FRMD4A: variants seen among roughly 807,000 people sequenced by gnomAD.
FRMD4A encodes FERM domain containing 4A.
In FRMD4A, 29 loss-of-function variants were observed where a neutral mutation model predicts 129.1. The ratio of observed to expected loss-of-function variants is 0.22; its 90% confidence interval spans 0.17 to 0.31. FRMD4A has a LOEUF of 0.31. Among genes scored for constraint, FRMD4A ranks in the 10% least tolerant of loss-of-function variants. The pLI, the probability that FRMD4A is intolerant of heterozygous loss-of-function variation, is 1.00. For synonymous variants in FRMD4A, 634 were observed against 571.6 expected (o/e 1.11, Z -1.56); for missense variants, 1,272 against 1,375.8 (o/e 0.92, Z 1.19).
chr10:14,269,869 T>C (rs1845103306), intron 2 of FRMD4A, among the ~76,000 whole-genome samples: 1 of 152,216 alleles, frequency 6.6e-6, no homozygotes, highest in Non-Finnish European at 1.5e-5. Flanking sequence ...GCCCCTCTCC[T>C]GCAGAAAGAG....
Position 13,950,721 on chromosome 10 carries a change from G to A in FRMD4A, c.46-91809C>T, listed in dbSNP as rs553415581. Among the ~76,000 whole-genome samples the A allele has an allele frequency of 9.2e-5, 14 of 152,136 alleles. No individual in the cohort carries two copies. The South Asian group carries it at 1.0e-3, about 11-fold the overall frequency. Reference sequence around the variant, plus strand: ...CGTTTCTGCCTCAGGACATTTGCACGCCCGCTTCCCTTTTCCCTGTGTCCT... The same window carrying A: ...CGTTTCTGCCTCAGGACATTTGCACACCCGCTTCCCTTTTCCCTGTGTCCT... On this transcript the variant is annotated intron_variant, in intron 2 of 24. Coordinates refer to ENST00000357447, the MANE Select transcript of FRMD4A (RefSeq NM_018027.5).
At chr10:13,700,207 C>T (rs543259166) in intron 14 of FRMD4A, among the ~76,000 whole-genome samples, 5 of 151,860 alleles carry the variant, frequency 3.3e-5, no homozygotes, top group East Asian at 3.9e-4. Context: ...CTTGGCCTCC[C>T]GAAGCGCTGA....
intron 2 of FRMD4A, among the ~76,000 whole-genome samples, chr10:14,067,541 G>A (rs544917391): frequency 7.3e-5 from 11 of 150,882 alleles, no homozygotes; most frequent in South Asian, 2.1e-4. Context: ...TCATGAGGCC[G>A]GGCGCAGTGG....
chr10:14,179,760 G>A (rs1292312576), intron 2 of FRMD4A, among the ~76,000 whole-genome samples: 3 of 152,184 alleles, frequency 2.0e-5, no homozygotes, highest in East Asian at 3.8e-4. Flanking sequence ...TGGGCCGGGC[G>A]CGGTGGCTCA....
intron 3 of FRMD4A, among the ~76,000 whole-genome samples, chr10:13,849,363 G>A (rs369018589): frequency 5.9e-5 from 9 of 152,216 alleles, no homozygotes; most frequent in East Asian, 3.9e-4. Context: ...AGACCACAAT[G>A]AGCCCACCTG....
chr10:14,292,260 G>A (rs868863148), intron 2 of FRMD4A, among the ~76,000 whole-genome samples: 1 of 152,214 alleles, frequency 6.6e-6, no homozygotes, highest in Non-Finnish European at 1.5e-5. Context: ...TGAAGCTATA[G>A]TAGTTAAGAC....
intron 6 of FRMD4A, among the ~76,000 whole-genome samples, chr10:13,768,399 C>T (rs1304739397): frequency 6.6e-6 from 1 of 152,182 alleles, no homozygotes; most frequent in Non-Finnish European, 1.5e-5. Flanking sequence ...AACCAAGAAT[C>T]TTAATGACAA....
chr10:14,206,620 A>C (rs1417174253), intron 2 of FRMD4A, among the ~76,000 whole-genome samples: 2 of 151,986 alleles, frequency 1.3e-5, no homozygotes, highest in Non-Finnish European at 2.9e-5. Flanking sequence ...CAACACGGCG[A>C]AACCCCATTT....
chr10:13,825,910 C>T (rs906752425), intron 3 of FRMD4A, among the ~76,000 whole-genome samples: 1 of 152,220 alleles, frequency 6.6e-6, no homozygotes, highest in African/African-American at 2.4e-5. Flanking sequence ...GTCCTGCAAC[C>T]AATGCCCTGT....
chr10:13,662,047 C>G (rs796161930), intron 19 of FRMD4A, among the ~76,000 whole-genome samples: 9 of 152,270 alleles, frequency 5.9e-5, no homozygotes, highest in African/African-American at 1.9e-4. Context: ...GGGGAAGAAG[C>G]TGGAATCACG....
At chr10:14,281,516 C>T (rs984685478) in intron 2 of FRMD4A, among the ~76,000 whole-genome samples, 1 of 152,212 alleles carries the variant, frequency 6.6e-6, no homozygotes. Context: ...ATTGTTTAAG[C>T]CTGCCAGTCT....
intron 2 of FRMD4A, among the ~76,000 whole-genome samples, chr10:14,011,741 G>A (rs547623234): frequency 2.6e-5 from 4 of 152,278 alleles, no homozygotes; most frequent in African/African-American, 9.6e-5. Flanking sequence ...GGACACGGTG[G>A]CTCATGCCTG....
At chr10:13,673,769 CTTTTTTTTTT>C (rs1156236426) in intron 16 of FRMD4A, among the ~76,000 whole-genome samples, 1 of 94,286 alleles carries the variant, frequency 1.1e-5, no homozygotes, top group Non-Finnish European at 2.0e-5. Context: ...GAAAGCATTG[CTTTTTTTTTT>C]TTTTTTTTTT....
At chr10:14,262,067 C>T (rs374169409) in intron 2 of FRMD4A, among the ~76,000 whole-genome samples, 1 of 152,102 alleles carries the variant, frequency 6.6e-6, no homozygotes, top group Admixed American at 6.6e-5. Context: ...CATACTTCCT[C>T]TCCCTCTGTG....
Position 13,834,183 on chromosome 10 carries a change from G to C in FRMD4A, c.112-23275C>G, listed in dbSNP as rs1317676099. On this transcript the variant is annotated intron_variant, in intron 3 of 24. Coordinates refer to ENST00000357447, the MANE Select transcript of FRMD4A (RefSeq NM_018027.5). ...GGAGGCTGAGGCAGGAGAATCGCTT[G>C]AACTTGGGAGGTGGAGGTTGCAGTG... is the stretch of plus-strand genomic sequence containing the variant. Among the ~76,000 whole-genome samples the C allele has an allele frequency of 7.9e-5, 12 of 152,246 alleles. No individual in the cohort carries two copies. The East Asian group carries it at 2.1e-3, about 27-fold the overall frequency.
At chr10:14,193,346 C>T (rs1842374041) in intron 2 of FRMD4A, among the ~76,000 whole-genome samples, 1 of 152,170 alleles carries the variant, frequency 6.6e-6, no homozygotes. Flanking sequence ...TTTTACTTAA[C>T]ACTTTCGGGT....
At chr10:13,939,191 T>C (rs11258736) in intron 2 of FRMD4A, among the ~76,000 whole-genome samples, 16,492 of 152,256 alleles carry the variant, frequency 0.11, 1,020 homozygotes, top group Middle Eastern at 0.21. Context: ...TATTCTAAAT[T>C]GCCTGGGATT....
chr10:14,202,327 C>G (rs1275181220), intron 2 of FRMD4A, among the ~76,000 whole-genome samples: 1 of 152,198 alleles, frequency 6.6e-6, no homozygotes. Flanking sequence ...ACAGAAAAGC[C>G]TCTTTGGAGG....
intron 2 of FRMD4A, among the ~76,000 whole-genome samples, chr10:14,127,980 T>TTTCTTTCTTTCTTTC (rs1564319427): frequency 4.1e-4 from 8 of 19,382 alleles, no homozygotes; most frequent in African/African-American, 1.6e-3. Context: ...CTTTCTTTCC[T>TTTCTTTCTTTCTTTC]TCTCTCTCTC....
Sources: allele counts gnomAD v4.1 joint callset (sites outside exome capture counted in the v4.1 genomes callset), GRCh38; gene constraint gnomAD v4.1.1; transcripts MANE v1.5; gene names NCBI Gene and HGNC (gene_info 2026-07-23, HGNC 2026-07-21).